Variants in KHDRBS2 observed in about 807,000 individuals in gnomAD.
The protein encoded by KHDRBS2 is KH domain-containing, RNA-binding, signal transduction-associated protein 2.
KHDRBS2 carries 26 observed loss-of-function variants against 44.3 expected under a neutral mutation model. The observed-to-expected ratio is 0.59, with a 90% CI of 0.43 to 0.81. The LOEUF (loss-of-function observed/expected upper bound fraction) is 0.81, where lower values mean the gene tolerates loss of function less well. Ranked by LOEUF, KHDRBS2 falls within the 40% of genes least tolerant of loss-of-function variation. The pLI is 0.00. For missense variants in KHDRBS2, 476 were observed against 433.1 expected (o/e 1.10, Z -0.88); for synonymous variants, 194 against 151.1 (o/e 1.28, Z -2.08).
intron 6 of KHDRBS2, among the ~76,000 whole-genome samples, chr6:61,737,746 C>A (rs1775592991): frequency 6.6e-6 from 1 of 151,974 alleles, no homozygotes; most frequent in Admixed American, 6.6e-5. Flanking sequence ...GCATTCAAAT[C>A]CTGAATCCTA....
chr6:62,224,894 C>T (rs1423730823), intron 1 of KHDRBS2, among the ~76,000 whole-genome samples: 1 of 152,130 alleles, frequency 6.6e-6, no homozygotes, highest in Non-Finnish European at 1.5e-5. Flanking sequence ...ATATCCCTAC[C>T]TGATATATCA....
intron 2 of KHDRBS2, among the ~76,000 whole-genome samples, chr6:62,143,920 A>C (rs1813389284): frequency 6.6e-6 from 1 of 151,930 alleles, no homozygotes; most frequent in African/African-American, 2.4e-5. Context: ...TTAAGATACA[A>C]AACTTAACAC....
rs572314729 is a variant in KHDRBS2 at position 61,947,302 on chromosome 6, T to G, written c.483+30764A>C. ...CTCTAAATAATAATTTGGAAAAGACTGCACAAGATGATCCAATTTCACTGT... is the reference window on the plus strand; with the variant it reads ...CTCTAAATAATAATTTGGAAAAGACGGCACAAGATGATCCAATTTCACTGT... On this transcript the variant is annotated intron_variant, in intron 4 of 8. Coordinates refer to ENST00000281156, the MANE Select transcript of KHDRBS2 (RefSeq NM_152688.4). 9.2e-5 allele frequency among the ~76,000 whole-genome samples: 14 copies of G among 152,282 alleles called. No homozygotes were observed. In the East Asian group the frequency reaches 2.3e-3, roughly 25 times the overall value.
intron 6 of KHDRBS2, among the ~76,000 whole-genome samples, chr6:61,887,331 G>C (rs1801111583): frequency 6.6e-6 from 1 of 152,030 alleles, no homozygotes; most frequent in African/African-American, 2.4e-5. Flanking sequence ...TTAATATTTT[G>C]TCCTATGGGA....
At chr6:61,817,187 A>G (rs1396764571) in intron 6 of KHDRBS2, among the ~76,000 whole-genome samples, 1 of 152,154 alleles carries the variant, frequency 6.6e-6, no homozygotes, top group Non-Finnish European at 1.5e-5. Context: ...TGAGAATTAC[A>G]TTTGACAGTA....
intron 4 of KHDRBS2, among the ~76,000 whole-genome samples, chr6:61,901,576 C>A (rs1266250612): frequency 6.6e-6 from 1 of 152,006 alleles, no homozygotes; most frequent in Non-Finnish European, 1.5e-5. Context: ...ATTGAAATTG[C>A]TTCTTTTATC....
chr6:61,997,016 C>T (rs1389533786), intron 3 of KHDRBS2, among the ~76,000 whole-genome samples: 2 of 152,072 alleles, frequency 1.3e-5, no homozygotes, highest in Admixed American at 6.6e-5. Flanking sequence ...CTCCTGACCT[C>T]GTGATCCGCC....
chr6:61,879,290 C>T (rs779479591), intron 6 of KHDRBS2, among the ~76,000 whole-genome samples: 2 of 151,938 alleles, frequency 1.3e-5, no homozygotes, highest in African/African-American at 4.8e-5. Flanking sequence ...CAGCATATAT[C>T]TAACAATGAA....
intron 2 of KHDRBS2, among the ~76,000 whole-genome samples, chr6:62,148,969 T>C (rs1392212626): frequency 6.6e-6 from 1 of 152,106 alleles, no homozygotes. Context: ...TTGCCTCTTA[T>C]CTACCCATAT....
At chr6:61,902,249 G>T (rs1487731009) in intron 4 of KHDRBS2, among the ~76,000 whole-genome samples, 1 of 152,092 alleles carries the variant, frequency 6.6e-6, no homozygotes, top group African/African-American at 2.4e-5. Context: ...GTGTCTGGCC[G>T]CAGTGTGAAA....
At chr6:61,723,681 T>C (rs1040350889) in intron 7 of KHDRBS2, among the ~76,000 whole-genome samples, 2 of 151,884 alleles carry the variant, frequency 1.3e-5, no homozygotes, top group Admixed American at 1.3e-4. Context: ...CACAATGCAA[T>C]CAGAAGTATC....
intron 6 of KHDRBS2, among the ~76,000 whole-genome samples, chr6:61,853,826 G>T (rs1795795489): frequency 6.6e-6 from 1 of 152,192 alleles, no homozygotes; most frequent in African/African-American, 2.4e-5. Context: ...TATCCTGCAT[G>T]ACTTTGATAT....
chr6:61,764,705 G>A (rs550383064), intron 6 of KHDRBS2, among the ~76,000 whole-genome samples: 209 of 151,952 alleles, frequency 1.4e-3, no homozygotes, highest in African/African-American at 4.8e-3. Context: ...CATGTCCTTT[G>A]CACACTTTTC....
chr6:61,604,474 C>A, the KHDRBS2 span, among the ~76,000 whole-genome samples: 9 of 152,198 alleles, frequency 5.9e-5, no homozygotes, highest in African/African-American at 2.2e-4. Context: ...GGTTCTTGGA[C>A]CAAAGAAAAT....
At chr6:62,187,558 ATTT>A (rs1490354916) in intron 1 of KHDRBS2, among the ~76,000 whole-genome samples, 3 of 152,148 alleles carry the variant, frequency 2.0e-5, no homozygotes, top group African/African-American at 7.2e-5. Context: ...TATTGAACAT[ATTT>A]TTATTATTAT....
chr6:61,602,837 A>T, the KHDRBS2 span, among the ~76,000 whole-genome samples: 3 of 152,080 alleles, frequency 2.0e-5, no homozygotes, highest in African/African-American at 7.2e-5. Context: ...CTTTTTAGTT[A>T]TCCCCACCTG....
chr6:61,718,831 G>A (rs550107676), intron 7 of KHDRBS2, among the ~76,000 whole-genome samples: 184 of 152,100 alleles, frequency 1.2e-3, no homozygotes, highest in African/African-American at 4.4e-3. Context: ...TGTGGTACTC[G>A]TCCACTGAAA....
intron 1 of KHDRBS2, among the ~76,000 whole-genome samples, chr6:62,242,555 C>A (rs1834852976): frequency 6.6e-6 from 1 of 151,646 alleles, no homozygotes; most frequent in Non-Finnish European, 1.5e-5. Flanking sequence ...GGATGAAAAC[C>A]AATACTTTAG....
the KHDRBS2 span, among the ~76,000 whole-genome samples, chr6:61,613,090 G>A: frequency 1.3e-4 from 20 of 152,194 alleles, no homozygotes; most frequent in South Asian, 2.7e-3. Context: ...CTGACCTTGT[G>A]ATCCTCCCGC....
Sources: gnomAD v4.1 joint callset for allele counts (sites outside exome capture counted in the v4.1 genomes callset) on GRCh38, gnomAD v4.1.1 for gene constraint, MANE v1.5 for transcripts, NCBI Gene and HGNC (gene_info 2026-07-23, HGNC 2026-07-21) for gene names.